ST6GAL1: variants seen among roughly 807,000 people sequenced by gnomAD.
ST6GAL1 encodes the protein ST6 beta-galactoside alpha-2,6-sialyltransferase 1.
Under a neutral mutation model 38.0 loss-of-function variants are expected in ST6GAL1, and 20 were observed. The ratio of observed to expected loss-of-function variants is 0.53; its 90% CI spans 0.37 to 0.77. The LOEUF (loss-of-function observed/expected upper bound fraction) is 0.77, where lower values mean the gene tolerates loss of function less well. ST6GAL1 is among the 30% of genes least tolerant of loss of function. The pLI is 0.00. For missense variants in ST6GAL1, 432 were observed against 496.4 expected (o/e 0.87, Z 1.23); for synonymous variants, 196 against 188.2 (o/e 1.04, Z -0.34).
At chr3:186,992,746 A>G (rs930592699) in intron 2 of ST6GAL1, among the ~76,000 whole-genome samples, 5 of 152,164 alleles carry the variant, frequency 3.3e-5, no homozygotes, top group African/African-American at 1.2e-4. Flanking sequence ...CAGTGAGCTG[A>G]GATCTCACCA....
intron 2 of ST6GAL1, among the ~76,000 whole-genome samples, chr3:186,973,366 C>T (rs1487083732): frequency 2.6e-5 from 4 of 152,150 alleles, no homozygotes; most frequent in Non-Finnish European, 5.9e-5. Flanking sequence ...CCTGTGCACT[C>T]AGGGCTGGCT....
intron 2 of ST6GAL1, chr3:186,974,948 T>C (rs1715474594): frequency 6.6e-6 from 1 of 152,206 alleles, no homozygotes; most frequent in African/African-American, 2.4e-5. Flanking sequence ...ATACCTGGTA[T>C]TGCAGTGAAT....
chr3:187,048,415 T>C (rs980088067), intron 4 of ST6GAL1, among the ~76,000 whole-genome samples: 9 of 152,166 alleles, frequency 5.9e-5, no homozygotes, highest in African/African-American at 2.2e-4. Context: ...TGCTGCATCC[T>C]CTGACTGGTG....
rs116521907 is a variant in ST6GAL1, at chr3:187,068,693, A to G, written c.706-4156A>G. Among the ~76,000 whole-genome samples the G allele has an allele frequency of 6.8e-3, 1,037 of 152,312 alleles. 11 individuals are homozygous for G. The highest frequency in any genetic ancestry group is 0.024 in the African/African-American group (982 of 41,560). On this transcript the variant is annotated intron_variant, in intron 5 of 7. Coordinates refer to ENST00000169298, the MANE Select transcript of ST6GAL1 (RefSeq NM_173216.2). ...AGGAGTTGCTGGCCTCCTGCTTTGC[A>G]TACTCAAAATTGCTGGAAAGGGGCT... is the stretch of plus-strand genomic sequence containing the variant.
At chr3:187,020,961 G>GTTTT (rs139348671) in intron 2 of ST6GAL1, among the ~76,000 whole-genome samples, 1 of 146,754 alleles carries the variant, frequency 6.8e-6, no homozygotes. Flanking sequence ...TGTATTGGTG[G>GTTTT]TTTTTTTTTT....
chr3:186,964,894 G>A lies in ST6GAL1; in HGVS notation c.-183+968G>A, dbSNP rs191450813. ...TTCCTTCATTTCCTCACCTGTGAAC[G>A]GTAGGTGCCCAGTAACATGAGTTGC... On this transcript the variant is annotated intron_variant, in intron 2 of 7. Transcript: ENST00000169298. Among the ~76,000 whole-genome samples the A allele has an allele frequency of 1.7e-3, 261 of 152,290 alleles. 1 individual carries two copies. In the Middle Eastern group the frequency reaches 0.02, roughly 12 times the overall value.
At chr3:187,023,609 A>G (rs1029454637) in intron 2 of ST6GAL1, among the ~76,000 whole-genome samples, 2 of 152,212 alleles carry the variant, frequency 1.3e-5, no homozygotes, top group Non-Finnish European at 2.9e-5. Flanking sequence ...GCTGGAAACT[A>G]TCATTCTCAG....
intron 1 of ST6GAL1, among the ~76,000 whole-genome samples, chr3:186,955,007 G>A (rs935534284): frequency 6.6e-6 from 1 of 152,122 alleles, no homozygotes; most frequent in Non-Finnish European, 1.5e-5. Flanking sequence ...TAATTTTTGG[G>A]TAAGGTATAA....
At chr3:187,018,712 C>T (rs1309040754) in intron 2 of ST6GAL1, among the ~76,000 whole-genome samples, 1 of 152,202 alleles carries the variant, frequency 6.6e-6, no homozygotes, top group Admixed American at 6.5e-5. Context: ...TCTCCTTTGG[C>T]AACACCCTCA....
At chr3:186,969,192 C>G (rs1185325152) in intron 2 of ST6GAL1, among the ~76,000 whole-genome samples, 3 of 26,896 alleles carry the variant, frequency 1.1e-4, no homozygotes, top group African/African-American at 3.3e-4. Context: ...GCTGGGATTA[C>G]AGGCACCTGG....
chr3:186,978,000 G>A (rs1715574762), intron 2 of ST6GAL1, among the ~76,000 whole-genome samples: 1 of 151,954 alleles, frequency 6.6e-6, no homozygotes, highest in African/African-American at 2.4e-5. Flanking sequence ...GATCACCTGA[G>A]GTCAGGAGTT....
intron 4 of ST6GAL1, among the ~76,000 whole-genome samples, chr3:187,047,865 C>T (rs546959736): frequency 1.1e-4 from 17 of 151,928 alleles, no homozygotes; most frequent in East Asian, 9.7e-4. Context: ...GCATACAATG[C>T]GCAATGATCA....
intron 2 of ST6GAL1, among the ~76,000 whole-genome samples, chr3:187,024,494 A>G (rs1717455195): frequency 3.6e-5 from 1 of 27,540 alleles, no homozygotes; most frequent in African/African-American, 1.3e-4. Flanking sequence ...ATATATATAT[A>G]GAGAGAGAGA....
chr3:187,038,698 C>T (rs1718025485), intron 2 of ST6GAL1, 44 bp from the exon 3 acceptor site: 1 of 152,236 alleles, frequency 6.6e-6, no homozygotes, highest in African/African-American at 2.4e-5. Context: ...TGGAAAACAG[C>T]TCTCACCTCC....
chr3:187,046,745 CA>C lies in ST6GAL1; in HGVS notation c.607+3436del, dbSNP rs199751120. Among the ~76,000 whole-genome samples the C allele has an allele frequency of 9.6e-3, 1,457 of 152,252 alleles. 25 individuals carry two copies. The highest frequency in any genetic ancestry group is 0.033 in the African/African-American group (1,387 of 41,534). On this transcript the variant is annotated intron_variant, in intron 4 of 7. Coordinates refer to ENST00000169298, the MANE Select transcript of ST6GAL1 (RefSeq NM_173216.2). Reference sequence around the variant, plus strand: ...GCTTGGAGAACATGATCAGTTATATCAGGGGTCAGCAAGCTTTTCTTAAAAG... The same window carrying C: ...GCTTGGAGAACATGATCAGTTATATCGGGGTCAGCAAGCTTTTCTTAAAAG...
chr3:187,007,868 T>C (rs556966328), intron 2 of ST6GAL1, among the ~76,000 whole-genome samples: 62 of 152,284 alleles, frequency 4.1e-4, no homozygotes, highest in African/African-American at 1.4e-3. Flanking sequence ...ATAGAAATTT[T>C]AGACCTGAAA....
At chr3:187,033,590 T>A (rs4012241) in intron 2 of ST6GAL1, among the ~76,000 whole-genome samples, 79,349 of 152,034 alleles carry the variant, frequency 0.52, 24,285 homozygotes, top group African/African-American at 0.86. Context: ...TTTTTTCATT[T>A]TAAGATTTTA....
At chr3:186,934,457 G>C (rs1336647293) in intron 1 of ST6GAL1, among the ~76,000 whole-genome samples, 1 of 151,918 alleles carries the variant, frequency 6.6e-6, no homozygotes, top group Non-Finnish European at 1.5e-5. Flanking sequence ...AGCTACCTGG[G>C]AGGCTGAGAC....
chr3:187,042,089 A>T (rs192079495), intron 3 of ST6GAL1: 1 of 152,772 alleles, frequency 6.5e-6, no homozygotes, highest in African/African-American at 2.4e-5. Flanking sequence ...GAGATACATC[A>T]GAAATCTATG....
Sources: allele counts gnomAD v4.1 joint callset (sites outside exome capture counted in the v4.1 genomes callset), GRCh38; gene constraint gnomAD v4.1.1; transcripts MANE v1.5; gene names NCBI Gene and HGNC (gene_info 2026-07-23, HGNC 2026-07-21).